Variants in CSMD1 observed in about 807,000 individuals in gnomAD.
The protein encoded by CSMD1 is CUB and Sushi multiple domains 1, also known as CUB and sushi domain-containing protein 1.
CSMD1 carries 213 observed loss-of-function variants against 417.5 expected under a neutral mutation model. The ratio of observed to expected loss-of-function variants is 0.51; its 90% confidence interval spans 0.46 to 0.57. The LOEUF is 0.57. Among genes scored for constraint, CSMD1 ranks in the 20% least tolerant of loss-of-function variants. CSMD1 has a pLI of 0.00. For synonymous variants in CSMD1, 2,862 were observed against 1,736.8 expected (o/e 1.65, Z -16.11); for missense variants, 6,923 against 4,529.7 (o/e 1.53, Z -15.17).
intron 5 of CSMD1, among the ~76,000 whole-genome samples, chr8:3,914,474 T>G (rs912264793): frequency 3.9e-5 from 6 of 152,182 alleles, no homozygotes; most frequent in African/African-American, 1.2e-4. Flanking sequence ...ATATCATGTT[T>G]TGAGTAAGGA....
intron 12 of CSMD1, among the ~76,000 whole-genome samples, chr8:3,455,556 T>C (rs1177523125): frequency 2.0e-5 from 3 of 152,214 alleles, no homozygotes; most frequent in Admixed American, 1.3e-4. Context: ...TGCAGGTCTG[T>C]TGGAATTTGC....
At chr8:3,307,288 C>T (rs1237362754) in intron 25 of CSMD1, among the ~76,000 whole-genome samples, 2 of 151,934 alleles carry the variant, frequency 1.3e-5, no homozygotes, top group African/African-American at 2.4e-5. Context: ...GCCTGGTGTG[C>T]AGGGGCTCCT....
At chr8:3,552,647 C>G (rs923797046) in intron 10 of CSMD1, among the ~76,000 whole-genome samples, 21 of 152,168 alleles carry the variant, frequency 1.4e-4, no homozygotes, top group African/African-American at 4.8e-4. Flanking sequence ...GAGATCCTTT[C>G]TGTTGCAAGA....
chr8:4,200,678 A>C (rs940253779), intron 3 of CSMD1, among the ~76,000 whole-genome samples: 1 of 152,150 alleles, frequency 6.6e-6, no homozygotes, highest in East Asian at 1.9e-4. Context: ...CAAGGTAGGA[A>C]GACCGCACCT....
rs181529134 is a variant in CSMD1 at position 4,961,360 on chromosome 8, T to G, written c.85+32972A>C. Among the ~76,000 whole-genome samples, 435 of 152,274 alleles carry G rather than the reference T, an allele frequency of 2.9e-3. 1 individual carries two copies. Among genetic ancestry groups the G allele is most frequent in the Middle Eastern group, 0.01 (3 of 294 alleles). ...TTTCAAACATTCTTTCAACCTGACCTGATTGCCCCTGAGGCATTCAGTAGA... is the reference window on the plus strand; with the variant it reads ...TTTCAAACATTCTTTCAACCTGACCGGATTGCCCCTGAGGCATTCAGTAGA... On this transcript the variant is annotated intron_variant, in intron 1 of 69. Transcript: ENST00000635120.
chr8:4,105,701 G>A (rs952893630), intron 3 of CSMD1, among the ~76,000 whole-genome samples: 5 of 152,156 alleles, frequency 3.3e-5, no homozygotes, highest in Non-Finnish European at 7.3e-5. Flanking sequence ...GCCTAGGCTG[G>A]GGTACCCCAT....
Position 4,753,296 on chromosome 8 carries a change from T to G in CSMD1, c.86-115738A>C, listed in dbSNP as rs554891053. 1.5e-4 allele frequency among the ~76,000 whole-genome samples: 22 copies of G among 151,656 alleles called. No individual in the cohort carries two copies. The East Asian group carries it at 4.3e-3, about 29-fold the overall frequency. ...ATATTGTAGAGGATGATGAGGAATT[T>G]TGGAATACATTTAAATGACCAGGAT... On this transcript the variant is annotated intron_variant, in intron 1 of 69. Coordinates refer to ENST00000635120, the MANE Select transcript of CSMD1 (RefSeq NM_033225.6).
intron 12 of CSMD1, among the ~76,000 whole-genome samples, chr8:3,460,659 C>A (rs1009294779): frequency 6.6e-6 from 1 of 152,020 alleles, no homozygotes; most frequent in African/African-American, 2.4e-5. Context: ...ACGGAACTGA[C>A]CGAAATTCGT....
intron 3 of CSMD1, among the ~76,000 whole-genome samples, chr8:4,294,030 G>C (rs1022016096): frequency 6.6e-6 from 1 of 152,166 alleles, no homozygotes; most frequent in East Asian, 1.9e-4. Context: ...CAGGACTTCT[G>C]TTCTTTATTG....
chr8:4,314,025 AATAATAATAATG>A (rs910233970), intron 3 of CSMD1, among the ~76,000 whole-genome samples: 4 of 150,710 alleles, frequency 2.7e-5, no homozygotes, highest in African/African-American at 9.8e-5. Context: ...AAATAATAAT[AATAATAATAATG>A]ATAATAATAA....
chr8:3,621,316 A>C (rs879651628), intron 7 of CSMD1, among the ~76,000 whole-genome samples: 17 of 152,186 alleles, frequency 1.1e-4, no homozygotes, highest in African/African-American at 2.7e-4. Context: ...AACAGAATGC[A>C]ACTGTATGTT....
Position 3,118,587 on chromosome 8 carries a change from G to C in CSMD1, c.6242C>G (p.Ala2081Gly). 1 of 1,608,694 alleles carries C rather than the reference G, an allele frequency of 6.2e-7. No homozygotes were observed. Residue 2081 changes from alanine (A) to glycine (G), a missense_variant and splice_region_variant, in exon 42 of 70, where the codon GCC (alanine) becomes GGC (glycine). Coordinates refer to ENST00000635120, the MANE Select transcript of CSMD1 (RefSeq NM_033225.6). ...ATCTGGACAGTTCTGTAATTCATAG[G>C]CTGAAAGAAACAAACAGACAAAATA... ...NRQGFKLAYQ[A>G]YELQNCPDPP...
chr8:3,344,164 G>T (rs374240382), intron 22 of CSMD1, among the ~76,000 whole-genome samples: 1 of 152,148 alleles, frequency 6.6e-6, no homozygotes, highest in Admixed American at 6.5e-5. Context: ...GTTCAGTCAT[G>T]GGTTCCCAAC....
intron 54 of CSMD1, among the ~76,000 whole-genome samples, chr8:2,993,644 G>T (rs913555941): frequency 7.9e-5 from 12 of 152,124 alleles, no homozygotes; most frequent in Non-Finnish European, 1.6e-4. Context: ...AAGGTCTCCC[G>T]GGACGTATAG....
rs947192009 is a variant in CSMD1 at position 3,510,019 on chromosome 8, C to T, written c.1345-16293G>A. Among the ~76,000 whole-genome samples the T allele has an allele frequency of 1.3e-5, 2 of 152,120 alleles. 1 individual carries two copies. The highest frequency in any genetic ancestry group is 2.9e-5 in the Non-Finnish European group (2 of 68,022). ...ATCTCTCCAATTGACGTATACAAGT[C>T]GCGTATCCACTTCTCCCCTCTACAT... On this transcript the variant is annotated intron_variant, in intron 10 of 69. Transcript: ENST00000635120.
At chr8:4,219,716 T>A (rs966831184) in intron 3 of CSMD1, among the ~76,000 whole-genome samples, 1 of 152,216 alleles carries the variant, frequency 6.6e-6, no homozygotes, top group Non-Finnish European at 1.5e-5. Context: ...TTTTGGGGAC[T>A]GTCTTCACAA....
chr8:4,730,658 G>A lies in CSMD1; in HGVS notation c.86-93100C>T, dbSNP rs1001441011. On this transcript the variant is annotated intron_variant, in intron 1 of 69. Transcript: ENST00000635120. ...CGGGAGGCTGAGACAGGAGAATGGT[G>A]TGAACCCGGGAAGCGGAGCTTGCAG... Among the ~76,000 whole-genome samples the A allele has an allele frequency of 2.6e-5, 4 of 152,016 alleles. 1 individual carries two copies. The highest frequency in any genetic ancestry group is 9.7e-5 in the African/African-American group (4 of 41,380).
intron 37 of CSMD1, among the ~76,000 whole-genome samples, chr8:3,164,917 G>C (rs1820115992): frequency 6.6e-6 from 1 of 151,624 alleles, no homozygotes; most frequent in Admixed American, 6.6e-5. Flanking sequence ...TTGATTTATT[G>C]TCATTTTCTC....
At chr8:3,972,162 G>A (rs1466918333) in intron 5 of CSMD1, among the ~76,000 whole-genome samples, 1 of 152,024 alleles carries the variant, frequency 6.6e-6, no homozygotes, top group African/African-American at 2.4e-5. Context: ...GAACCCCTGT[G>A]CCTGGCCCTT....
Sources: gnomAD v4.1 joint callset for allele counts (sites outside exome capture counted in the v4.1 genomes callset) on GRCh38, gnomAD v4.1.1 for gene constraint, MANE v1.5 for transcripts, NCBI Gene and HGNC (gene_info 2026-07-23, HGNC 2026-07-21) for gene names.